Variants in CPXM2 observed in about 807,000 individuals in gnomAD.
CPXM2 encodes the protein carboxypeptidase X, M14 family member 2.
A neutral mutation model predicts 86.1 loss-of-function variants in CPXM2; 66 were observed. The observed-to-expected ratio is 0.77, with a 90% CI of 0.63 to 0.94. The LOEUF (loss-of-function observed/expected upper bound fraction) is 0.94. Ranked by LOEUF, CPXM2 falls within the 40% of genes least tolerant of loss-of-function variation. CPXM2 has a pLI of 0.00. For synonymous variants in CPXM2, 388 were observed against 400.2 expected, an observed-to-expected ratio of 0.97 and a Z score of 0.36; for missense variants, 948 against 1,026.3, an observed-to-expected ratio of 0.92 and a Z score of 1.04.
intron 4 of CPXM2, among the ~76,000 whole-genome samples, chr10:123,820,757 C>G (rs1847908772): frequency 6.6e-6 from 1 of 152,304 alleles, no homozygotes; most frequent in African/African-American, 2.4e-5. Flanking sequence ...CTTTATCCAT[C>G]TTCAAAGCCA....
chr10:123,862,991 C>G lies in CPXM2; in HGVS notation c.404-268G>C, dbSNP rs1019930851. On this transcript the variant is annotated intron_variant, in intron 2 of 13. Transcript: ENST00000241305. ...TCTGAGGCTGTTCCCAATTAAGGATCCTTCCCCAACATGACTCAGTCAGGA... is the reference window on the plus strand; with the variant it reads ...TCTGAGGCTGTTCCCAATTAAGGATGCTTCCCCAACATGACTCAGTCAGGA... Among the ~76,000 whole-genome samples the G allele has an allele frequency of 7.9e-5, 12 of 152,326 alleles. No homozygotes were observed. The East Asian group carries it at 2.1e-3, about 27-fold the overall frequency.
chr10:123,863,070 A>C (rs961880420), intron 2 of CPXM2, among the ~76,000 whole-genome samples: 1 of 151,964 alleles, frequency 6.6e-6, no homozygotes, highest in African/African-American at 2.4e-5. Flanking sequence ...TGCTTCAGCA[A>C]CTCTGGCCTT....
intron 4 of CPXM2, among the ~76,000 whole-genome samples, chr10:123,801,542 C>G (rs965650482): frequency 2.0e-5 from 3 of 152,148 alleles, no homozygotes; most frequent in Non-Finnish European, 4.4e-5. Context: ...TGCCACCACC[C>G]CAGTTCACTC....
At chr10:123,880,645 C>A (rs140185244) in intron 1 of CPXM2, among the ~76,000 whole-genome samples, 1 of 151,710 alleles carries the variant, frequency 6.6e-6, no homozygotes, top group East Asian at 1.9e-4. Flanking sequence ...CTGGCTAACA[C>A]GGTGAAACCC....
Position 123,767,155 on chromosome 10 carries a change from G to A in CPXM2, c.1300-3C>T. 6.2e-7 allele frequency: 1 copy of A among 1,613,458 alleles called. No individual in the cohort carries two copies. ...GACCAGCCTCCCAGCTCCGAGCCCT[G>A]GAGACAAGTGAGAGTGTGAAGAATG... On this transcript the variant is annotated splice_region_variant and splice_polypyrimidine_tract_variant and intron_variant, in intron 9 of 13. Coordinates refer to ENST00000241305, the MANE Select transcript of CPXM2 (RefSeq NM_198148.3).
At chr10:123,943,987 A>C (rs979613279), upstream of CPXM2, among the ~76,000 whole-genome samples, 1 of 152,216 alleles carries the variant, frequency 6.6e-6, no homozygotes, top group African/African-American at 2.4e-5. Flanking sequence ...CATCGTGGTC[A>C]CCTGCTTCTG....
Position 123,885,523 on chromosome 10 carries a change from G to A in CPXM2, c.305-5214C>T, listed in dbSNP as rs902379890. Reference sequence around the variant, plus strand: ...ATTCCATACAAATCTGTGACATCAGGGGCTTAAATTAACATGTGAAGCTGT... The same window carrying A: ...ATTCCATACAAATCTGTGACATCAGAGGCTTAAATTAACATGTGAAGCTGT... On this transcript the variant is annotated intron_variant, in intron 1 of 13. Coordinates refer to ENST00000241305, the MANE Select transcript of CPXM2 (RefSeq NM_198148.3). This position sits in a 1 kb window ranked among gnomAD's most constrained non-coding sequence, Gnocchi z 4.0. Among the ~76,000 whole-genome samples, 17 of 152,126 alleles carry A rather than the reference G, an allele frequency of 1.1e-4. No individual in the cohort carries two copies. Among genetic ancestry groups the A allele is most frequent in the African/African-American group, 4.1e-4 (17 of 41,426 alleles).
At chr10:123,934,735 C>G (rs1407236424) in intron 2 of CPXM2, among the ~76,000 whole-genome samples, 2 of 152,168 alleles carry the variant, frequency 1.3e-5, no homozygotes, top group Non-Finnish European at 2.9e-5. Context: ...TCATCCACAT[C>G]CGCCCCACCC....
chr10:123,878,296 CTTTTTTTTTTTTTTTT>C (rs72163200), intron 2 of CPXM2, among the ~76,000 whole-genome samples: 5 of 122,836 alleles, frequency 4.1e-5, no homozygotes, highest in Non-Finnish European at 8.2e-5. Flanking sequence ...TTTTTTCTCT[CTTTTTTTTTTTTTTTT>C]TTTTTTTTTT....
At chr10:123,894,436 C>T (rs1162141427), upstream of CPXM2, among the ~76,000 whole-genome samples, 1 of 152,182 alleles carries the variant, frequency 6.6e-6, no homozygotes, top group Admixed American at 6.5e-5. Context: ...ACAAATAGAA[C>T]AAGAATCGAT....
chr10:123,903,920 G>A (rs1945408334), intron 2 of CPXM2, among the ~76,000 whole-genome samples: 1 of 152,196 alleles, frequency 6.6e-6, no homozygotes, highest in African/African-American at 2.4e-5. Context: ...GCGTGGGTTT[G>A]CCTGGCCAAG....
At chr10:123,763,063 C>T (rs1247212337) in intron 10 of CPXM2, among the ~76,000 whole-genome samples, 1 of 152,146 alleles carries the variant, frequency 6.6e-6, no homozygotes, top group African/African-American at 2.4e-5. Flanking sequence ...TTATTTCACA[C>T]GGAGTCTTGC....
chr10:123,939,893 A>G (rs11517443), intron 1 of CPXM2, among the ~76,000 whole-genome samples: 44,324 of 152,138 alleles, frequency 0.29, 6,735 homozygotes, highest in Middle Eastern at 0.37. Flanking sequence ...GAGAAGGCCC[A>G]CGAGACCACA....
At chr10:123,778,568 T>C (rs923856242) in intron 7 of CPXM2, among the ~76,000 whole-genome samples, 1 of 152,236 alleles carries the variant, frequency 6.6e-6, no homozygotes, top group Non-Finnish European at 1.5e-5. Context: ...CTTGCTTTCC[T>C]TGTAAGAAAA....
intron 3 of CPXM2, among the ~76,000 whole-genome samples, chr10:123,852,064 C>T (rs764194319): frequency 2.2e-4 from 34 of 152,084 alleles, no homozygotes; most frequent in Non-Finnish European, 4.1e-4. Flanking sequence ...TCGGAAGGAG[C>T]GATGCCCTGC....
At chr10:123,878,509 G>A (rs28448379) in intron 2 of CPXM2, among the ~76,000 whole-genome samples, 72 of 48,898 alleles carry the variant, frequency 1.5e-3, no homozygotes, top group African/African-American at 3.4e-3. Context: ...ATTCAGACGT[G>A]TGTGTGTGTG....
At chr10:123,756,204 T>C (rs1169765998) in intron 12 of CPXM2, among the ~76,000 whole-genome samples, 3 of 152,202 alleles carry the variant, frequency 2.0e-5, no homozygotes, top group Non-Finnish European at 4.4e-5. Flanking sequence ...TCTTACTTCC[T>C]AATGGATGGA....
At chr10:123,753,895 G>A (rs1433460714) in intron 13 of CPXM2, among the ~76,000 whole-genome samples, 1 of 152,164 alleles carries the variant, frequency 6.6e-6, no homozygotes, top group African/African-American at 2.4e-5. Context: ...TTAACACCAT[G>A]AGACACTCAT....
At chr10:123,899,033 C>T (rs960196698) in intron 2 of CPXM2, among the ~76,000 whole-genome samples, 5 of 152,080 alleles carry the variant, frequency 3.3e-5, no homozygotes, top group South Asian at 2.1e-4. Context: ...TACAGGCACC[C>T]GCCACCGCAC....
Sources: allele counts gnomAD v4.1 joint callset (sites outside exome capture counted in the v4.1 genomes callset), GRCh38; gene constraint gnomAD v4.1.1; non-coding constraint Gnocchi (gnomAD v3.1); transcripts MANE v1.5; gene names NCBI Gene and HGNC (gene_info 2026-07-23, HGNC 2026-07-21).